The following OTOF variants were observed in gnomAD, a reference collection of about 807,000 sequenced individuals.
The protein encoded by OTOF is fer-1-like family member 2.
OTOF carries 218 observed loss-of-function variants against 236.8 expected under a neutral mutation model. The observed-to-expected ratio is 0.92, with a 90% CI of 0.82 to 1.03. The LOEUF (loss-of-function observed/expected upper bound fraction) is 1.03. Among genes scored for constraint, OTOF ranks in the 50% least tolerant of loss-of-function variants. The pLI is 0.00. For synonymous variants in OTOF, 1,041 were observed against 1,072.5 expected (o/e 0.97, Z 0.57); for missense variants, 2,590 against 2,694.4 (o/e 0.96, Z 0.86).
intron 31 of OTOF, 31 bp downstream of exon 31, chr2:26,471,090 C>T: frequency 6.2e-7 from 1 of 1,613,530 alleles, no homozygotes; most frequent in Non-Finnish European, 8.5e-7. Context: ...ACCCTCTCAC[C>T]CCAGAGCCCC....
rs756261346 is a variant in OTOF, at chr2:26,474,018, C to A, written c.3381G>T (p.Arg1127=). ...GPIMPVPMGI[R]PVLSKYRVEV... is the part of the protein sequence containing the mutation. Reference sequence around the variant, plus strand: ...CCACTCGGTACTTGCTGAGCACGGGCCGGATGCCCATGGGCACGGGCATGA... The same window carrying A: ...CCACTCGGTACTTGCTGAGCACGGGACGGATGCCCATGGGCACGGGCATGA... Residue 1127 remains arginine, a synonymous_variant, in exon 27 of 47, where the codon CGG becomes CGT. Coordinates refer to ENST00000272371, the MANE Select transcript of OTOF (RefSeq NM_194248.3). 6.2e-7 allele frequency: 1 copy of A among 1,613,004 alleles called. No homozygotes were observed. Among genetic ancestry groups the A allele is most frequent in the African/African-American group, 1.3e-5 (1 of 75,002 alleles).
Position 26,489,180 on chromosome 2 carries a change from C to G in OTOF, c.1045+31G>C, listed in dbSNP as rs1310928664. 5 of 1,538,342 alleles carry G rather than the reference C, an allele frequency of 3.3e-6. No individual in the cohort carries two copies. The East Asian group carries it at 1.2e-4, about 35-fold the overall frequency. ...ACCACGCTCCCTGAGCCATGCACAC[C>G]TCGACTGACTGGCCATGCGCAGGTA... On this transcript the variant is annotated intron_variant, in intron 11 of 46. Coordinates refer to ENST00000272371, the MANE Select transcript of OTOF (RefSeq NM_194248.3).
chr2:26,556,899 T>C (rs1027735726), intron 1 of OTOF, among the ~76,000 whole-genome samples: 1 of 152,182 alleles, frequency 6.6e-6, no homozygotes, highest in African/African-American at 2.4e-5. Context: ...GGGCCACATT[T>C]CACAGATGAA....
At chr2:26,516,881 GC>G (rs1666543041) in intron 4 of OTOF, among the ~76,000 whole-genome samples, 1 of 152,152 alleles carries the variant, frequency 6.6e-6, no homozygotes. Flanking sequence ...GGCCTGGCCT[GC>G]CCAGGACAAC....
At chr2:26,546,423 T>C (rs1480445996) in intron 1 of OTOF, among the ~76,000 whole-genome samples, 1 of 151,344 alleles carries the variant, frequency 6.6e-6, no homozygotes, top group Non-Finnish European at 1.5e-5. Flanking sequence ...ATTGCTCCAT[T>C]GCACTCCAGC....
intron 29 of OTOF, among the ~76,000 whole-genome samples, 179 bp downstream of exon 29, chr2:26,472,953 C>A (rs1219448496): frequency 6.6e-6 from 1 of 152,202 alleles, no homozygotes; most frequent in Admixed American, 6.5e-5. Flanking sequence ...CCCTCTCTGG[C>A]TGTAGAGCTG....
At chr2:26,543,873 T>G (rs574809548) in intron 1 of OTOF, among the ~76,000 whole-genome samples, 2 of 152,308 alleles carry the variant, frequency 1.3e-5, no homozygotes, top group East Asian at 3.9e-4. Flanking sequence ...TGTGCCACCA[T>G]GCCTGGCTAA....
chr2:26,473,020 C>T lies in OTOF; in HGVS notation c.3733+112G>A. ...AGGGTGACCTTCTTCTATGCCCACC[C>T]CCTCGGCCCCAAAGAGCAAACTCTG... On this transcript the variant is annotated intron_variant, in intron 29 of 46. Transcript: ENST00000272371. The surrounding 1 kb of genome is among the most constrained non-coding windows in gnomAD (Gnocchi z 7.2). 8.5e-7 allele frequency: 1 copy of T among 1,183,260 alleles called. No individual in the cohort carries two copies. The allele number at this position is 1,183,260 out of a possible 1,614,324, so 73.3% of individuals were successfully genotyped here. A position where few individuals can be genotyped will look rare whatever the true frequency, so the allele number is the denominator to read the frequency against.
At chr2:26,535,980 T>A (rs1172500498) in intron 2 of OTOF, among the ~76,000 whole-genome samples, 1 of 152,240 alleles carries the variant, frequency 6.6e-6, no homozygotes, top group East Asian at 1.9e-4. Flanking sequence ...ACGCCTGGGC[T>A]GACATATCCC....
In OTOF at chr2:26,477,980, G is replaced by C; in HGVS notation, c.2215-231C>G. On this transcript the variant is annotated intron_variant, in intron 18 of 46. Coordinates refer to ENST00000272371, the MANE Select transcript of OTOF (RefSeq NM_194248.3). This position sits in a 1 kb window ranked among gnomAD's most constrained non-coding sequence, Gnocchi z 4.7. ...GGTTCTTCAGTTCCTGAAGGAAGAA[G>C]CCACCTCTGGGCTGTGAGTCTGTGG... 6.8e-7 allele frequency: 1 copy of C among 1,463,076 alleles called. No individual in the cohort carries two copies. The highest frequency in any genetic ancestry group is 9.0e-7 in the Non-Finnish European group (1 of 1,109,198). The allele number at this position is 1,463,076 out of a possible 1,614,324, so 90.6% of individuals were successfully genotyped here.
chr2:26,475,525 G>A (rs746004652), intron 24 of OTOF, 32 bp from the exon 25 acceptor site: 2 of 1,606,826 alleles, frequency 1.2e-6, no homozygotes, highest in Non-Finnish European at 8.5e-7. Context: ...CAGGGGACAA[G>A]TGACAGAGGG....
intron 1 of OTOF, among the ~76,000 whole-genome samples, chr2:26,555,701 T>C (rs866783708): frequency 2.6e-5 from 4 of 152,218 alleles, no homozygotes; most frequent in South Asian, 4.2e-4. Flanking sequence ...TGCCTTCTCC[T>C]GGCAGACTGG....
Position 26,475,519 on chromosome 2 carries a change from G to A in OTOF, c.2992-26C>T, listed in dbSNP as rs749400573. ...CTGCAGCATGGGATGGGGAGACAGG[G>A]GACAAGTGACAGAGGGGGGGGCAGA... On this transcript the variant is annotated intron_variant, in intron 24 of 46. Coordinates refer to ENST00000272371, the MANE Select transcript of OTOF (RefSeq NM_194248.3). 53 of 1,608,538 alleles carry A rather than the reference G, an allele frequency of 3.3e-5. No homozygotes were observed. In the African/African-American group the frequency reaches 6.6e-4, roughly 20 times the overall value.
At chr2:26,545,046 A>C (rs1450689021) in intron 1 of OTOF, among the ~76,000 whole-genome samples, 2 of 142,880 alleles carry the variant, frequency 1.4e-5, no homozygotes, top group Non-Finnish European at 3.1e-5. Context: ...ATCCCAAAAA[A>C]AAAAAAAAAG....
intron 5 of OTOF, 112 bp from the exon 6 acceptor site, chr2:26,503,957 C>T: frequency 2.1e-6 from 2 of 933,560 alleles, no homozygotes; most frequent in Non-Finnish European, 3.5e-6. Context: ...GAGATGGACC[C>T]GGCCCCTCAC....
At chr2:26,519,370 A>G (rs1372565010) in intron 3 of OTOF, among the ~76,000 whole-genome samples, 1 of 152,244 alleles carries the variant, frequency 6.6e-6, no homozygotes, top group East Asian at 1.9e-4. Context: ...GGATGTCTAC[A>G]GACTGCGGGG....
At position 26,479,507 on chromosome 2, in the gene OTOF, A is replaced by G; in HGVS notation, c.2059T>C (p.Ser687Pro). The G allele has an allele frequency of 6.2e-7, 1 of 1,603,220 alleles. No individual in the cohort carries two copies. Among genetic ancestry groups the G allele is most frequent in the Non-Finnish European group, 8.5e-7 (1 of 1,175,820 alleles). ...GDAGDLASVS[S>P]TPPMRPQVTD... is the part of the protein sequence containing the mutation. ...ACCTGGGGCCGCATTGGTGGAGTGG[A>G]GGAGACTGAGGCCAGGTCCCCGGCA... The change falls in exon 17 of 47, where the codon TCC (serine) becomes CCC (proline). Residue 687 changes from serine to proline, a missense_variant. Physicochemically the swap from Ser to Pro is moderately conservative, Grantham distance 74. Coordinates refer to ENST00000272371, the MANE Select transcript of OTOF (RefSeq NM_194248.3).
rs189855805 is a variant in OTOF, at chr2:26,483,755, G to A, written c.1206-107C>T. 3.7e-4 allele frequency: 366 copies of A among 996,828 alleles called. 1 individual carries two copies. The highest frequency in any genetic ancestry group is 2.8e-3 in the Middle Eastern group (9 of 3,186). 61.7% of individuals were successfully genotyped at this position (996,828 alleles called of 1,614,324 possible). On this transcript the variant is annotated intron_variant, in intron 12 of 46. Coordinates refer to ENST00000272371, the MANE Select transcript of OTOF (RefSeq NM_194248.3). ...CTGGCACAGTCTCTAAGGGACAGCTGAGGGAGCAAGGCTAGGATTAGACAC... is the reference window on the plus strand; with the variant it reads ...CTGGCACAGTCTCTAAGGGACAGCTAAGGGAGCAAGGCTAGGATTAGACAC...
chr2:26,475,012 C>G (rs371583785), intron 25 of OTOF, among the ~76,000 whole-genome samples: 16 of 151,998 alleles, frequency 1.1e-4, no homozygotes, highest in African/African-American at 3.9e-4. Flanking sequence ...AGAACCTCCA[C>G]GGAGGATGGC....
Sources: allele counts gnomAD v4.1 joint callset (sites outside exome capture counted in the v4.1 genomes callset), GRCh38; gene constraint gnomAD v4.1.1; non-coding constraint Gnocchi (gnomAD v3.1); transcripts MANE v1.5; gene names NCBI Gene and HGNC (gene_info 2026-07-23, HGNC 2026-07-21).